The following IFT43 variants were observed in gnomAD, a reference collection of about 807,000 sequenced individuals.
The protein encoded by IFT43 is intraflagellar transport 43, also known as intraflagellar transport protein 43 homolog.
A neutral mutation model predicts 32.3 loss-of-function variants in IFT43; 33 were observed. The ratio of observed to expected loss-of-function variants is 1.02; its 90% CI spans 0.77 to 1.37. The LOEUF (loss-of-function observed/expected upper bound fraction) is 1.37. Ranked by LOEUF, IFT43 falls within the 40% of genes most tolerant of loss-of-function variation. The pLI, the probability that IFT43 is intolerant of heterozygous loss-of-function variation, is 0.00. For synonymous variants in IFT43, 93 were observed against 98.2 expected, an observed-to-expected ratio of 0.95 and a Z score of 0.31; for missense variants, 274 against 265.9, an observed-to-expected ratio of 1.03 and a Z score of -0.21.
At chr14:76,028,460 T>G (rs1302176190) in intron 3 of IFT43, among the ~76,000 whole-genome samples, 1 of 152,184 alleles carries the variant, frequency 6.6e-6, no homozygotes, top group Non-Finnish European at 1.5e-5. Context: ...GACTCATGGA[T>G]TTTAAAAAAA....
intron 2 of IFT43, among the ~76,000 whole-genome samples, chr14:75,994,756 A>G (rs995389487): frequency 1.3e-5 from 2 of 152,210 alleles, no homozygotes; most frequent in Non-Finnish European, 2.9e-5. Flanking sequence ...TCTGTGATGT[A>G]TAGCTTTCTC....
chr14:76,060,284 C>G (rs890226989), intron 5 of IFT43, among the ~76,000 whole-genome samples: 2 of 152,148 alleles, frequency 1.3e-5, no homozygotes, highest in Non-Finnish European at 2.9e-5. Flanking sequence ...GTGGTGCAAT[C>G]TTGGCTCACT....
At chr14:75,991,567 T>G (rs1360364914) in intron 2 of IFT43, among the ~76,000 whole-genome samples, 1 of 152,078 alleles carries the variant, frequency 6.6e-6, no homozygotes, top group Non-Finnish European at 1.5e-5. Context: ...GCTCCTAGGC[T>G]GGGGTCAGTG....
intron 3 of IFT43, among the ~76,000 whole-genome samples, chr14:76,044,823 A>G (rs893284492): frequency 2.0e-5 from 3 of 151,928 alleles, no homozygotes; most frequent in African/African-American, 7.3e-5. Flanking sequence ...TGCCTCCACC[A>G]CCCCTGAGAC....
In IFT43 at chr14:75,988,980, G is replaced by A; in HGVS notation, c.147+3G>A. The A allele has an allele frequency of 6.2e-7, 1 of 1,613,594 alleles. No individual in the cohort carries two copies. Among genetic ancestry groups the A allele is most frequent in the Non-Finnish European group, 8.5e-7 (1 of 1,179,898 alleles). On this transcript the variant is annotated splice_donor_region_variant and intron_variant, in intron 2 of 8. Coordinates refer to ENST00000314067, the MANE Select transcript of IFT43 (RefSeq NM_001102564.3). ...CCTCTTTGACTCTGACTGGAGAGGTGGGTGCTAAAAAAAAAGAAAATCTGA... is the reference window on the plus strand; with the variant it reads ...CCTCTTTGACTCTGACTGGAGAGGTAGGTGCTAAAAAAAAAGAAAATCTGA...
At chr14:76,072,660 C>T (rs746131237) in intron 5 of IFT43, among the ~76,000 whole-genome samples, 3 of 152,148 alleles carry the variant, frequency 2.0e-5, no homozygotes, top group Non-Finnish European at 2.9e-5. Flanking sequence ...AAAGCTCTGT[C>T]AGCATTCTGT....
intron 1 of IFT43, among the ~76,000 whole-genome samples, chr14:75,988,276 G>A (rs2035567847): frequency 6.6e-6 from 1 of 152,206 alleles, no homozygotes; most frequent in Non-Finnish European, 1.5e-5. Flanking sequence ...CTACTCAGGA[G>A]GGCAAGGTAG....
chr14:76,057,760 AC>A (rs2037048374), intron 3 of IFT43, among the ~76,000 whole-genome samples: 1 of 152,124 alleles, frequency 6.6e-6, no homozygotes, highest in Non-Finnish European at 1.5e-5. Flanking sequence ...TAGATTTCTG[AC>A]TTCAAATAAC....
chr14:75,992,483 G>C (rs1022220511), intron 2 of IFT43, among the ~76,000 whole-genome samples: 9 of 149,890 alleles, frequency 6.0e-5, no homozygotes, highest in Admixed American at 1.3e-4. Flanking sequence ...TTGGAAATCT[G>C]TTCACAGGCT....
intron 5 of IFT43, among the ~76,000 whole-genome samples, chr14:76,065,454 A>G (rs1041370837): frequency 1.3e-5 from 2 of 152,202 alleles, no homozygotes; most frequent in African/African-American, 2.4e-5. Flanking sequence ...AAGACAGAAC[A>G]TTCCCATCAC....
intron 5 of IFT43, among the ~76,000 whole-genome samples, chr14:76,070,771 C>T (rs779574246): frequency 6.6e-6 from 1 of 151,970 alleles, no homozygotes. Flanking sequence ...GGCGCCTCCC[C>T]ACCCCTCCCT....
rs369942882 is a variant in IFT43, at chr14:76,022,507, C to A, written c.215+113C>A. ...GCTTTATTGAGAAAAAATTTATATA[C>A]CATACAATTCACCCACTTAAAATGC... On this transcript the variant is annotated intron_variant, in intron 3 of 8. Coordinates refer to ENST00000314067, the MANE Select transcript of IFT43 (RefSeq NM_001102564.3). The A allele has an allele frequency of 3.3e-3, 2,219 of 668,908 alleles. 57 individuals carry two copies. The South Asian group carries it at 0.038, about 12-fold the overall frequency. The allele number at this position is 668,908 out of a possible 1,614,324, so 41.4% of individuals were successfully genotyped here.
chr14:76,058,901 TA>T (rs2037077256), intron 4 of IFT43: 1 of 1,465,882 alleles, frequency 6.8e-7, no homozygotes, highest in Admixed American at 2.7e-5. Flanking sequence ...TGTGTGGTTT[TA>T]GAATTATATG....
At chr14:75,997,759 G>A (rs368807897) in intron 2 of IFT43, among the ~76,000 whole-genome samples, 20 of 151,836 alleles carry the variant, frequency 1.3e-4, no homozygotes, top group African/African-American at 4.1e-4. Context: ...GTTTGGGGGT[G>A]GGGGTTGGGG....
intron 5 of IFT43, among the ~76,000 whole-genome samples, chr14:76,064,031 G>A (rs186438350): frequency 3.9e-5 from 6 of 152,204 alleles, no homozygotes; most frequent in African/African-American, 7.2e-5. Context: ...GGGATGGGGG[G>A]CAATAAAGAT....
At chr14:76,054,934 C>T (rs543897620) in intron 3 of IFT43, among the ~76,000 whole-genome samples, 99 of 152,374 alleles carry the variant, frequency 6.5e-4, no homozygotes, top group Non-Finnish European at 1.4e-3. Flanking sequence ...GGAGGCAGAA[C>T]TTCCATATCA....
intron 5 of IFT43, among the ~76,000 whole-genome samples, chr14:76,072,746 A>G (rs1566735739): frequency 6.6e-6 from 1 of 152,176 alleles, no homozygotes; most frequent in Non-Finnish European, 1.5e-5. Flanking sequence ...AGTAAAAGAG[A>G]GTTAAATCTC....
At chr14:76,075,767 CACTTA>C (rs1479129183) in intron 5 of IFT43, among the ~76,000 whole-genome samples, 12 of 152,338 alleles carry the variant, frequency 7.9e-5, no homozygotes, top group East Asian at 5.8e-4. Flanking sequence ...CAATTTCTTT[CACTTA>C]ACTTCATCTT....
intron 5 of IFT43, among the ~76,000 whole-genome samples, chr14:76,069,338 C>T (rs1040742568): frequency 2.6e-5 from 4 of 152,138 alleles, no homozygotes; most frequent in African/African-American, 4.8e-5. Context: ...GACTTTTAAA[C>T]TTCAACTTGA....
Sources: allele counts gnomAD v4.1 joint callset (sites outside exome capture counted in the v4.1 genomes callset), GRCh38; gene constraint gnomAD v4.1.1; transcripts MANE v1.5; gene names NCBI Gene and HGNC (gene_info 2026-07-23, HGNC 2026-07-21).